PAPPA2: variants seen among roughly 807,000 people sequenced by gnomAD.
PAPPA2 encodes pappalysin-2.
Under a neutral mutation model 176.4 loss-of-function variants are expected in PAPPA2, and 86 were observed. The observed-to-expected ratio is 0.49, with a 90% CI of 0.41 to 0.58. The LOEUF is 0.58. Among genes scored for constraint, PAPPA2 ranks in the 20% least tolerant of loss-of-function variants. The probability of loss-of-function intolerance (pLI) is 0.00; values close to 1 mark genes in which losing one functional copy is unlikely to be tolerated. For synonymous variants in PAPPA2, 809 were observed against 852.2 expected, an observed-to-expected ratio of 0.95 and a Z score of 0.88; for missense variants, 2,073 against 2,256.9, an observed-to-expected ratio of 0.92 and a Z score of 1.65.
chr1:176,622,830 G>T (rs1222858633), intron 3 of PAPPA2, among the ~76,000 whole-genome samples: 1 of 152,168 alleles, frequency 6.6e-6, no homozygotes, highest in African/African-American at 2.4e-5. Context: ...ACATTAGACT[G>T]AGTAATTTAT....
chr1:176,712,076 G>C lies in PAPPA2; in HGVS notation c.3798+95G>C, dbSNP rs142184423. The C allele has an allele frequency of 1.1e-3, 1,537 of 1,418,982 alleles. 16 individuals carry two copies. In the African/African-American group the frequency reaches 0.018, roughly 16 times the overall value. The allele number at this position is 1,418,982 out of a possible 1,614,324, so 87.9% of individuals were successfully genotyped here. A position where few individuals can be genotyped will look rare whatever the true frequency, so the allele number is the denominator to read the frequency against. ...GTGTGTGTAAATGGTGCATTTGGAT[G>C]ACTTGTCAGAAAATTTTCTTTTGTT... On this transcript the variant is annotated intron_variant, in intron 12 of 22. Coordinates refer to ENST00000367662, the MANE Select transcript of PAPPA2 (RefSeq NM_020318.3).
rs184744845 is a variant in PAPPA2 at position 176,615,540 on chromosome 1, G to A, written c.1991+19945G>A. ...GACGGGGTTTCACTGTATTAGCCAG[G>A]GTAGTCTCGATATCCTGACCTCGTG... On this transcript the variant is annotated intron_variant, in intron 3 of 22. Coordinates refer to ENST00000367662, the MANE Select transcript of PAPPA2 (RefSeq NM_020318.3). Among the ~76,000 whole-genome samples the A allele has an allele frequency of 4.3e-3, 657 of 152,126 alleles. 3 individuals are homozygous for A. Among genetic ancestry groups the A allele is most frequent in the African/African-American group, 0.015 (632 of 41,502 alleles).
At chr1:176,581,360 A>C (rs114432413) in intron 2 of PAPPA2, among the ~76,000 whole-genome samples, 1 of 152,178 alleles carries the variant, frequency 6.6e-6, no homozygotes, top group African/African-American at 2.4e-5. Context: ...TTTGGTTACT[A>C]TAGCTTTGTA....
chr1:176,756,375 T>C (rs1012747036), intron 14 of PAPPA2, among the ~76,000 whole-genome samples: 5 of 152,154 alleles, frequency 3.3e-5, no homozygotes, highest in African/African-American at 1.2e-4. Flanking sequence ...GTCTCAAGGT[T>C]GGGAGAGGTG....
At chr1:176,772,366 A>G (rs1419021797) in intron 17 of PAPPA2, among the ~76,000 whole-genome samples, 1 of 152,212 alleles carries the variant, frequency 6.6e-6, no homozygotes, top group African/African-American at 2.4e-5. Context: ...CCATGGTATT[A>G]CCAGTGGTGC....
intron 7 of PAPPA2, among the ~76,000 whole-genome samples, chr1:176,698,613 C>T (rs1323721409): frequency 1.3e-5 from 2 of 152,070 alleles, no homozygotes; most frequent in Admixed American, 6.5e-5. Flanking sequence ...TTTTAAAGTT[C>T]GTCTAACCAT....
intron 2 of PAPPA2, among the ~76,000 whole-genome samples, chr1:176,563,089 T>C (rs1362556419): frequency 6.6e-6 from 1 of 152,194 alleles, no homozygotes; most frequent in African/African-American, 2.4e-5. Context: ...CTTTTGTGAT[T>C]CCAAAATATC....
intron 3 of PAPPA2, among the ~76,000 whole-genome samples, chr1:176,601,228 A>C (rs769250947): frequency 1.3e-5 from 2 of 152,200 alleles, no homozygotes; most frequent in Non-Finnish European, 2.9e-5. Flanking sequence ...TGATGAAGCA[A>C]GAGGACCTTC....
At chr1:176,688,947 C>T (rs188749870) in intron 4 of PAPPA2, among the ~76,000 whole-genome samples, 1 of 152,264 alleles carries the variant, frequency 6.6e-6, no homozygotes, top group East Asian at 1.9e-4. Context: ...AGCTATTCTC[C>T]TGGAGGACCT....
chr1:176,608,634 C>T (rs758708287), intron 3 of PAPPA2, among the ~76,000 whole-genome samples: 8 of 152,000 alleles, frequency 5.3e-5, no homozygotes, highest in South Asian at 2.1e-4. Context: ...CAGTGCAGTC[C>T]GTGGGAATTC....
At chr1:176,512,221 C>CAAAAAAAAAAAAA (rs58968098) in intron 1 of PAPPA2, among the ~76,000 whole-genome samples, 1 of 105,738 alleles carries the variant, frequency 9.5e-6, no homozygotes, top group Non-Finnish European at 1.9e-5. Flanking sequence ...ACTAAATTTG[C>CAAAAAAAAAAAAA]AAAAAAAAAA....
chr1:176,719,384 T>C lies in PAPPA2; in HGVS notation c.3798+7403T>C, dbSNP rs79266532. 2.2e-3 allele frequency among the ~76,000 whole-genome samples: 339 copies of C among 152,310 alleles called. 2 individuals carry two copies. Among genetic ancestry groups the C allele is most frequent in the African/African-American group, 7.9e-3 (329 of 41,580 alleles). ...AAAAAACAAAACTTACGAAGAATAC[T>C]TTAAACATTGTTTGCCTTTTCCTCA... On this transcript the variant is annotated intron_variant, in intron 12 of 22. Transcript: ENST00000367662.
At chr1:176,616,807 A>G (rs1212180231) in intron 3 of PAPPA2, 1 of 774,786 alleles carries the variant, frequency 1.3e-6, no homozygotes, top group Non-Finnish European at 2.2e-6. Flanking sequence ...TAGTTAAAAA[A>G]TACTCAATAG....
At chr1:176,646,291 A>T (rs1333868566) in intron 3 of PAPPA2, among the ~76,000 whole-genome samples, 1 of 151,306 alleles carries the variant, frequency 6.6e-6, no homozygotes, top group Non-Finnish European at 1.5e-5. Flanking sequence ...GGTACATAGT[A>T]GGTGTATATA....
chr1:176,552,058 G>T (rs201311684), intron 1 of PAPPA2, among the ~76,000 whole-genome samples: 1 of 151,996 alleles, frequency 6.6e-6, no homozygotes, highest in South Asian at 2.1e-4. Context: ...TTTTCTGTAC[G>T]TAAAACCTAA....
intron 20 of PAPPA2, among the ~76,000 whole-genome samples, chr1:176,796,840 A>T (rs1466833115): frequency 1.1e-4 from 12 of 113,568 alleles, no homozygotes; most frequent in Admixed American, 2.2e-4. Flanking sequence ...TCTCTTTCTG[A>T]CCCCCTCTCT....
At chr1:176,483,160 C>A (rs547115128) in intron 1 of PAPPA2, among the ~76,000 whole-genome samples, 9 of 152,240 alleles carry the variant, frequency 5.9e-5, no homozygotes, top group Non-Finnish European at 1.0e-4. Context: ...GATTCCAGGT[C>A]CCCTACCTGT....
chr1:176,759,051 A>G (rs1395394260), intron 14 of PAPPA2, among the ~76,000 whole-genome samples: 2 of 152,228 alleles, frequency 1.3e-5, no homozygotes, highest in Non-Finnish European at 2.9e-5. Context: ...TTGGTCTACT[A>G]CTTTCTTCAT....
intron 6 of PAPPA2, among the ~76,000 whole-genome samples, chr1:176,693,004 T>G (rs184626896): frequency 6.6e-6 from 1 of 152,206 alleles, no homozygotes; most frequent in African/African-American, 2.4e-5. Flanking sequence ...CTAACTTTCA[T>G]TTGTCCTTTG....
Sources: gnomAD v4.1 joint callset for allele counts (sites outside exome capture counted in the v4.1 genomes callset) on GRCh38, gnomAD v4.1.1 for gene constraint, MANE v1.5 for transcripts, NCBI Gene and HGNC (gene_info 2026-07-23, HGNC 2026-07-21) for gene names.